The following RICTOR variants were observed in gnomAD, a reference collection of about 807,000 sequenced individuals.
RICTOR encodes rapamycin-insensitive companion of mTOR.
A neutral mutation model predicts 214.9 loss-of-function variants in RICTOR; 49 were observed. That is an observed-to-expected ratio of 0.23 (90% confidence interval 0.18 to 0.29). RICTOR has a LOEUF of 0.29. Ranked by LOEUF, RICTOR falls within the 10% of genes least tolerant of loss-of-function variation. The pLI is 1.00. For synonymous variants in RICTOR, 717 were observed against 711.3 expected, an observed-to-expected ratio of 1.01 and a Z score of -0.13; for missense variants, 1,625 against 2,047.0, an observed-to-expected ratio of 0.79 and a Z score of 3.98.
intron 2 of RICTOR, among the ~76,000 whole-genome samples, chr5:39,048,403 AAT>A (rs1389150587): frequency 2.5e-4 from 38 of 152,344 alleles, no homozygotes; most frequent in African/African-American, 8.9e-4. Context: ...TTATACTAAC[AAT>A]ATGTTTTACA....
At position 38,955,610 on chromosome 5, in the gene RICTOR, C is replaced by T. The variant is rs1281490714; in HGVS notation, c.2594G>A (p.Arg865His). 6 of 1,595,144 alleles carry T rather than the reference C, an allele frequency of 3.8e-6. No individual in the cohort carries two copies. The highest frequency in any genetic ancestry group is 1.1e-5 in the South Asian group (1 of 90,592). The change falls in exon 26 of 38, where the codon CGT (arginine) becomes CAT (histidine). Residue 865 changes from arginine (R) to histidine (H), a missense_variant. Transcript: ENST00000357387. Reference sequence around the variant, plus strand: ...GGGTACGCACCTTTGGTTACTCCGACGAACATAGTTATCACCATCAACAGG... The same window carrying T: ...GGGTACGCACCTTTGGTTACTCCGATGAACATAGTTATCACCATCAACAGG... ...RKPVDGDNYV[R>H]RSNQRLQRPH...
chr5:39,069,194 T>C (rs2150219978), intron 2 of RICTOR, among the ~76,000 whole-genome samples: 1 of 152,336 alleles, frequency 6.6e-6, no homozygotes, highest in Middle Eastern at 3.4e-3. Context: ...AGGGAGAGTT[T>C]TGCTTACAAG....
intron 2 of RICTOR, among the ~76,000 whole-genome samples, chr5:39,051,015 ATCTT>A (rs1330190099): frequency 3.3e-5 from 5 of 149,886 alleles, no homozygotes; most frequent in Admixed American, 1.3e-4. Context: ...TAGATGGATA[ATCTT>A]TCTCTCTCCC....
At chr5:38,953,417 A>G in intron 28 of RICTOR, 44 bp downstream of exon 28, 1 of 868,356 alleles carries the variant, frequency 1.2e-6, no homozygotes. Context: ...AAAACTTAAA[A>G]ATCTAAAAAT....
At chr5:38,973,900 AG>A (rs1172405613) in intron 10 of RICTOR, among the ~76,000 whole-genome samples, 7 of 152,318 alleles carry the variant, frequency 4.6e-5, no homozygotes, top group Admixed American at 3.3e-4. Flanking sequence ...AGTACACAAA[AG>A]TTTATTTAAC....
At chr5:39,070,878 T>C (rs954956443) in intron 2 of RICTOR, among the ~76,000 whole-genome samples, 1 of 152,216 alleles carries the variant, frequency 6.6e-6, no homozygotes, top group Non-Finnish European at 1.5e-5. Flanking sequence ...TTACAGACAG[T>C]ATTTAATAAT....
At chr5:38,954,958 A>G in intron 26 of RICTOR, 97 bp from the exon 27 acceptor site, 3 of 585,244 alleles carry the variant, frequency 5.1e-6, no homozygotes. Flanking sequence ...ATAAAATTAG[A>G]TACAACTCTC....
intron 10 of RICTOR, among the ~76,000 whole-genome samples, chr5:38,972,923 T>C (rs1319335217): frequency 2.0e-5 from 3 of 149,540 alleles, no homozygotes; most frequent in East Asian, 3.9e-4. Flanking sequence ...CATGAAATAT[T>C]ATAAAAAAGA....
chr5:38,944,296 T>TA (rs1747933725), intron 36 of RICTOR, 150 bp downstream of exon 36: 1 of 775,752 alleles, frequency 1.3e-6, no homozygotes, highest in African/African-American at 1.7e-5. Context: ...GCTGAAGTAT[T>TA]AAAGAAAATC....
rs1029624762 is a variant in RICTOR, at chr5:38,966,777, T to A, written c.1219-56A>T. On this transcript the variant is annotated intron_variant, in intron 14 of 37. Coordinates refer to ENST00000357387, the MANE Select transcript of RICTOR (RefSeq NM_152756.5). ...GCAAAATAATACATATGAAAACATT[T>A]ATGCATCAGATTTATTTTTCAAAAT... 4 of 953,284 alleles carry A rather than the reference T, an allele frequency of 4.2e-6. No homozygotes were observed. The African/African-American group carries it at 5.1e-5, about 12-fold the overall frequency. The allele number at this position is 953,284 out of a possible 1,614,324, so 59.1% of individuals were successfully genotyped here. A position where few individuals can be genotyped will look rare whatever the true frequency, so the allele number is the denominator to read the frequency against.
At chr5:38,984,880 C>T (rs928161039) in intron 7 of RICTOR, among the ~76,000 whole-genome samples, 7 of 152,072 alleles carry the variant, frequency 4.6e-5, no homozygotes, top group Non-Finnish European at 8.8e-5. Flanking sequence ...AGTGCAGTGG[C>T]GAGATCTCGG....
intron 2 of RICTOR, among the ~76,000 whole-genome samples, chr5:39,045,638 T>C (rs951475823): frequency 2.5e-4 from 38 of 152,300 alleles, no homozygotes; most frequent in African/African-American, 8.9e-4. Flanking sequence ...GAGACATTAA[T>C]TTTTATATAT....
Position 38,996,870 on chromosome 5 carries a change from T to C in RICTOR, c.405A>G (p.Ile135Met). ...TCCTCTCTACCTCGTTGCTCTGTTG[T>C]ATGTCAATGCACCTAAACAATACAC... ...VDYLIARCID[I>M]QQSNEVERTQ... is the part of the protein sequence containing the mutation. The change falls in exon 6 of 38, where the codon ATA becomes ATG. Residue 135 changes from isoleucine (I) to methionine (M), a missense_variant. Around this residue, in one of 5 missense-constraint regions of RICTOR, gnomAD observed 258 missense variants for 393.7 expected, o/e 0.66. Coordinates refer to ENST00000357387, the MANE Select transcript of RICTOR (RefSeq NM_152756.5). 6.2e-7 allele frequency: 1 copy of C among 1,608,052 alleles called. No homozygotes were observed. Among genetic ancestry groups the C allele is most frequent in the Non-Finnish European group, 8.5e-7 (1 of 1,174,828 alleles).
At chr5:38,965,808 G>T (rs1202281677) in intron 15 of RICTOR, among the ~76,000 whole-genome samples, 1 of 152,048 alleles carries the variant, frequency 6.6e-6, no homozygotes, top group Non-Finnish European at 1.5e-5. Flanking sequence ...AGGGTGGGGA[G>T]GAGGGGAAGA....
chr5:38,975,110 A>G (rs777689059), intron 10 of RICTOR, among the ~76,000 whole-genome samples: 1 of 152,196 alleles, frequency 6.6e-6, no homozygotes, highest in Non-Finnish European at 1.5e-5. Context: ...AAACATGCAC[A>G]ATCCCTATTC....
intron 7 of RICTOR, among the ~76,000 whole-genome samples, chr5:38,986,679 T>C (rs2150070573): frequency 6.6e-6 from 1 of 152,304 alleles, no homozygotes; most frequent in Admixed American, 6.5e-5. Flanking sequence ...AGAGACAATT[T>C]GATTTCTTCT....
chr5:38,997,829 C>T (rs1034551996), intron 5 of RICTOR, among the ~76,000 whole-genome samples: 2 of 152,060 alleles, frequency 1.3e-5, no homozygotes, highest in East Asian at 1.9e-4. Flanking sequence ...GAAATCTGGC[C>T]GTACTGAAAA....
rs748169007 is a variant in RICTOR at position 38,967,942 on chromosome 5, C to T, written c.1060+1G>A. ...AGATACAAATGTACTTCAATACTTA[C>T]CTACACTGAGTAGTGCTTCTATGAA... On this transcript the variant is annotated splice_donor_variant, in intron 12 of 37. Coordinates refer to ENST00000357387, the MANE Select transcript of RICTOR (RefSeq NM_152756.5). LOFTEE classifies it high-confidence loss of function. The T allele has an allele frequency of 6.8e-7, 1 of 1,475,996 alleles. No homozygotes were observed. The highest frequency in any genetic ancestry group is 9.5e-7 in the Non-Finnish European group (1 of 1,055,196). 91.4% of individuals were successfully genotyped at this position (1,475,996 alleles called of 1,614,324 possible).
At chr5:38,973,580 T>C (rs1750963328) in intron 10 of RICTOR, among the ~76,000 whole-genome samples, 1 of 152,230 alleles carries the variant, frequency 6.6e-6, no homozygotes, top group South Asian at 2.1e-4. Context: ...GACTCCAAAG[T>C]TCCCTGTACT....
Sources: allele counts gnomAD v4.1 joint callset (sites outside exome capture counted in the v4.1 genomes callset), GRCh38; gene constraint gnomAD v4.1.1; regional missense constraint gnomAD v4.1.1; transcripts MANE v1.5; gene names NCBI Gene and HGNC (gene_info 2026-07-23, HGNC 2026-07-21).